Variants in ARHGAP15 observed in about 807,000 individuals in gnomAD.
The protein encoded by ARHGAP15 is Rho GTPase activating protein 15, also known as rho GTPase-activating protein 15.
In ARHGAP15, 51 loss-of-function variants were observed where a neutral mutation model predicts 63.7. That is an observed-to-expected ratio of 0.80 (90% confidence interval 0.64 to 1.01). The LOEUF is 1.01. Ranked by LOEUF, ARHGAP15 falls within the 50% of genes least tolerant of loss-of-function variation. The probability of loss-of-function intolerance (pLI) is 0.00; values close to 1 mark genes in which losing one functional copy is unlikely to be tolerated. For synonymous variants in ARHGAP15, 191 were observed against 193.8 expected (o/e 0.99, Z 0.12); for missense variants, 560 against 564.6 (o/e 0.99, Z 0.08).
chr2:143,374,569 A>G (rs1686720118), intron 6 of ARHGAP15, among the ~76,000 whole-genome samples: 1 of 151,894 alleles, frequency 6.6e-6, no homozygotes, highest in Admixed American at 6.6e-5. Context: ...CAGTGATGTG[A>G]TCTTGGCTCA....
At chr2:143,179,109 T>C (rs1691124196) in intron 2 of ARHGAP15, among the ~76,000 whole-genome samples, 1 of 152,218 alleles carries the variant, frequency 6.6e-6, no homozygotes, top group Non-Finnish European at 1.5e-5. Flanking sequence ...TGGCTAAGAA[T>C]CATTAGAGGG....
intron 6 of ARHGAP15, among the ~76,000 whole-genome samples, chr2:143,406,104 C>T (rs1258368125): frequency 6.6e-6 from 1 of 151,776 alleles, no homozygotes. Flanking sequence ...CAATGATGAG[C>T]ATCTTACATG....
intron 12 of ARHGAP15, chr2:143,683,016 AAG>A (rs1310454841): frequency 1.3e-5 from 2 of 152,246 alleles, no homozygotes. Context: ...TGGTTAAAAA[AAG>A]ATTTCTTTAA....
intron 6 of ARHGAP15, among the ~76,000 whole-genome samples, chr2:143,359,800 G>A (rs749555052): frequency 1.3e-4 from 20 of 152,052 alleles, no homozygotes; most frequent in Non-Finnish European, 2.5e-4. Flanking sequence ...ATTAGAAAAC[G>A]GAACCCTTGA....
rs371627479 is a variant in ARHGAP15, at chr2:143,734,299, A to G, written c.1244+30775A>G. On this transcript the variant is annotated intron_variant, in intron 13 of 13. Coordinates refer to ENST00000295095, the MANE Select transcript of ARHGAP15 (RefSeq NM_018460.4). ...TCCTGACCCTCATGAGATGGAGCCT[A>G]AGGGGGAAATGGCACTGAGGACCAA... Among the ~76,000 whole-genome samples, 96 of 152,258 alleles carry G rather than the reference A, an allele frequency of 6.3e-4. 2 individuals are homozygous for G. The South Asian group carries it at 0.014, about 22-fold the overall frequency.
At chr2:143,653,377 T>C (rs913456078) in intron 12 of ARHGAP15, among the ~76,000 whole-genome samples, 4 of 152,114 alleles carry the variant, frequency 2.6e-5, no homozygotes, top group African/African-American at 9.7e-5. Flanking sequence ...TGGCCCTAAT[T>C]GAATGAGCTA....
intron 12 of ARHGAP15, among the ~76,000 whole-genome samples, chr2:143,674,949 C>G (rs1682752184): frequency 6.6e-6 from 1 of 152,132 alleles, no homozygotes; most frequent in Admixed American, 6.5e-5. Flanking sequence ...TTTGCCACAT[C>G]ATGGGCCCTT....
chr2:143,227,638 C>T (rs1426895900), intron 4 of ARHGAP15, among the ~76,000 whole-genome samples: 3 of 152,100 alleles, frequency 2.0e-5, no homozygotes, highest in South Asian at 4.2e-4. Context: ...TTATAAACTA[C>T]GTGTATTATG....
chr2:143,231,390 T>A (rs1442527664), intron 5 of ARHGAP15, among the ~76,000 whole-genome samples: 2 of 152,258 alleles, frequency 1.3e-5, no homozygotes, highest in Non-Finnish European at 2.9e-5. Context: ...AGAAACTCCA[T>A]CATGCATGAC....
intron 6 of ARHGAP15, among the ~76,000 whole-genome samples, chr2:143,370,868 A>G (rs1046718823): frequency 2.0e-5 from 3 of 152,136 alleles, no homozygotes; most frequent in Admixed American, 2.0e-4. Flanking sequence ...TAAAAGTTTA[A>G]TGTTTAGTTT....
At chr2:143,348,375 T>G (rs1264845701) in intron 6 of ARHGAP15, among the ~76,000 whole-genome samples, 1 of 152,202 alleles carries the variant, frequency 6.6e-6, no homozygotes, top group Non-Finnish European at 1.5e-5. Context: ...ACTATTTTTT[T>G]CGAAAGTGCC....
At chr2:143,661,557 G>A (rs564831453) in intron 12 of ARHGAP15, among the ~76,000 whole-genome samples, 2 of 152,164 alleles carry the variant, frequency 1.3e-5, no homozygotes, top group African/African-American at 4.8e-5. Context: ...TTGAAAATAA[G>A]TGCTCGGGAG....
Position 143,682,583 on chromosome 2 carries a change from G to A in ARHGAP15, c.1139-20836G>A, listed in dbSNP as rs72859648. 438 of 152,146 alleles carry A rather than the reference G, an allele frequency of 2.9e-3. 4 individuals are homozygous for A. The highest frequency in any genetic ancestry group is 5.1e-3 in the Non-Finnish European group (349 of 67,988). 9.4% of individuals were successfully genotyped at this position (152,146 alleles called of 1,614,324 possible). Reference sequence around the variant, plus strand: ...ACACACACATTCCAGCAGCCCCAAAGTCTTGCTTGTTCAGCTTTCAAAAGC... The same window carrying A: ...ACACACACATTCCAGCAGCCCCAAAATCTTGCTTGTTCAGCTTTCAAAAGC... On this transcript the variant is annotated intron_variant, in intron 12 of 13. Coordinates refer to ENST00000295095, the MANE Select transcript of ARHGAP15 (RefSeq NM_018460.4).
chr2:143,255,019 A>C (rs190521218), intron 6 of ARHGAP15, among the ~76,000 whole-genome samples: 2 of 152,236 alleles, frequency 1.3e-5, no homozygotes, highest in East Asian at 3.9e-4. Flanking sequence ...TAAGATAATT[A>C]AATCATTTTT....
chr2:143,508,026 T>C (rs1693400660), intron 9 of ARHGAP15, among the ~76,000 whole-genome samples: 1 of 121,806 alleles, frequency 8.2e-6, no homozygotes, highest in African/African-American at 2.7e-5. Flanking sequence ...AATCATATCA[T>C]GTCACCCCCC....
At chr2:143,410,428 G>A (rs953148345) in intron 6 of ARHGAP15, among the ~76,000 whole-genome samples, 4 of 152,300 alleles carry the variant, frequency 2.6e-5, no homozygotes, top group African/African-American at 9.6e-5. Context: ...CCACTTTTAT[G>A]TCAGCATTTT....
At chr2:143,417,150 CG>C (rs1397842329) in intron 6 of ARHGAP15, among the ~76,000 whole-genome samples, 1 of 151,798 alleles carries the variant, frequency 6.6e-6, no homozygotes, top group South Asian at 2.1e-4. Context: ...ACCTGGGTCT[CG>C]GGGGGTCTTA....
chr2:143,194,829 A>G (rs2105097459), intron 2 of ARHGAP15, among the ~76,000 whole-genome samples: 1 of 152,350 alleles, frequency 6.6e-6, no homozygotes, highest in African/African-American at 2.4e-5. Context: ...TTTAAATAGT[A>G]AGGTCATGAC....
chr2:143,651,466 ATTTAC>A (rs756243139), intron 12 of ARHGAP15, among the ~76,000 whole-genome samples: 29 of 152,082 alleles, frequency 1.9e-4, no homozygotes, highest in Non-Finnish European at 3.5e-4. Context: ...TTATGATTTT[ATTTAC>A]TTGTTGATAG....
Sources: allele counts gnomAD v4.1 joint callset (sites outside exome capture counted in the v4.1 genomes callset), GRCh38; gene constraint gnomAD v4.1.1; transcripts MANE v1.5; gene names NCBI Gene and HGNC (gene_info 2026-07-23, HGNC 2026-07-21).